ECHDC3: variants seen among roughly 807,000 people sequenced by gnomAD.
ECHDC3 encodes enoyl-CoA hydratase domain containing 3, also known as enoyl-CoA hydratase domain-containing protein 3, mitochondrial.
ECHDC3 carries 20 observed loss-of-function variants against 17.9 expected under a neutral mutation model. The ratio of observed to expected loss-of-function variants is 1.12; its 90% CI spans 0.79 to 1.63. The LOEUF is 1.63. Among genes scored for constraint, ECHDC3 ranks in the 40% most tolerant of loss-of-function variants. The pLI is 0.00. For missense variants in ECHDC3, 407 were observed against 357.7 expected, an observed-to-expected ratio of 1.14 and a Z score of -1.11; for synonymous variants, 177 against 149.7, an observed-to-expected ratio of 1.18 and a Z score of -1.33.
chr10:11,759,923 A>G (rs775393925), intron 4 of ECHDC3, among the ~76,000 whole-genome samples: 5 of 152,182 alleles, frequency 3.3e-5, no homozygotes, highest in Non-Finnish European at 7.4e-5. Flanking sequence ...TTTGTTTTCC[A>G]GATGAAACAA....
intron 1 of ECHDC3, among the ~76,000 whole-genome samples, chr10:11,745,005 G>A (rs1588461592): frequency 6.6e-6 from 1 of 152,200 alleles, no homozygotes; most frequent in East Asian, 1.9e-4. Context: ...AGGGCTAGTA[G>A]CCCACGAAAG....
chr10:11,747,493 T>C (rs759085087), intron 2 of ECHDC3, 23 bp downstream of exon 2: 1 of 1,612,284 alleles, frequency 6.2e-7, no homozygotes, highest in Non-Finnish European at 8.5e-7. Flanking sequence ...TATCTGTCCT[T>C]AGTATTCTGC....
chr10:11,763,945 G>A lies in ECHDC3; in HGVS notation c.*401G>A, dbSNP rs371867640. 11 of 998,572 alleles carry A rather than the reference G, an allele frequency of 1.1e-5. No individual in the cohort carries two copies. The highest frequency in any genetic ancestry group is 1.7e-5 in the African/African-American group (1 of 57,562). 61.9% of individuals were successfully genotyped at this position (998,572 alleles called of 1,614,324 possible). ...TTAATCCTGGCTGCTCAGGAGAGGC[G>A]ACACATTTCAAATCTCCACGAGATA... On this transcript the variant is annotated 3_prime_UTR_variant, in exon 5 of 5. Coordinates refer to ENST00000379215, the MANE Select transcript of ECHDC3 (RefSeq NM_024693.5). This position sits in a 1 kb window ranked among gnomAD's most constrained non-coding sequence, Gnocchi z 4.9.
rs111682329 is a variant in ECHDC3, at chr10:11,762,554, G to A, written c.592-670G>A. On this transcript the variant is annotated intron_variant, in intron 4 of 4. Transcript: ENST00000379215. ...GCAACAGAATTGGTTGGTGCAGCAC[G>A]CAGTGGTTGTGAAGCAGAGGACACG... 8.0e-3 allele frequency among the ~76,000 whole-genome samples: 1,226 copies of A among 152,310 alleles called. 20 individuals carry two copies. Among genetic ancestry groups the A allele is most frequent in the African/African-American group, 0.025 (1,058 of 41,564 alleles).
chr10:11,763,427 G>T lies in ECHDC3; in HGVS notation c.795G>T (p.Thr265=), dbSNP rs530119354. 1.2e-5 allele frequency: 10 copies of T among 816,808 alleles called. No individual in the cohort carries two copies. In the East Asian group the frequency reaches 2.4e-4, roughly 20 times the overall value. The allele number at this position is 816,808 out of a possible 1,614,324, so 50.6% of individuals were successfully genotyped here. A position where few individuals can be genotyped will look rare whatever the true frequency, so the allele number is the denominator to read the frequency against. ...AGCAGCTGCCCCAGGACCTGGGGAC[G>T]GCTTACTACCTCACCTCCCAGGCCA... is the stretch of plus-strand genomic sequence containing the variant. ...FYKQLPQDLG[T]AYYLTSQAMV... The change falls in exon 5 of 5, where the codon ACG becomes ACT. Residue 265 remains threonine (T), a synonymous_variant. Transcript: ENST00000379215. The surrounding 1 kb of genome is among the most constrained non-coding windows in gnomAD (Gnocchi z 4.9).
intron 3 of ECHDC3, among the ~76,000 whole-genome samples, chr10:11,752,627 A>G (rs888270079): frequency 6.6e-6 from 1 of 152,204 alleles, no homozygotes; most frequent in East Asian, 1.9e-4. Flanking sequence ...GTATAGAATT[A>G]CGTAATATGA....
chr10:11,763,121 G>A lies in ECHDC3; in HGVS notation c.592-103G>A, dbSNP rs1218324037. 6.4e-6 allele frequency: 4 copies of A among 629,256 alleles called. No homozygotes were observed. Among genetic ancestry groups the A allele is most frequent in the East Asian group, 2.7e-5 (1 of 36,800 alleles). The allele number at this position is 629,256 out of a possible 1,614,324, so 39.0% of individuals were successfully genotyped here. ...ACTGAAGACGTCAGGGCTGGCGGAT[G>A]ACGTGGTATTTGAGGAAGCAGGTCA... On this transcript the variant is annotated intron_variant, in intron 4 of 4. Coordinates refer to ENST00000379215, the MANE Select transcript of ECHDC3 (RefSeq NM_024693.5). The surrounding 1 kb of genome is among the most constrained non-coding windows in gnomAD (Gnocchi z 4.9).
intron 3 of ECHDC3, among the ~76,000 whole-genome samples, chr10:11,750,105 C>G (rs1832808481): frequency 6.6e-6 from 1 of 151,934 alleles, no homozygotes; most frequent in South Asian, 2.1e-4. Context: ...CTAGTTTAGA[C>G]TTTTAAGAAG....
At position 11,755,600 on chromosome 10, in the gene ECHDC3, C is replaced by T; in HGVS notation, c.583C>T (p.Pro195Ser). Residue 195 changes from proline (P) to serine (S), a missense_variant, in exon 4 of 5, where the codon CCT becomes TCT. Transcript: ENST00000379215. Reference sequence around the variant, plus strand: ...TGGGGTTGCCTTGGCAAGAGCAGTGCCTAGAAAGGTAATTTAACTCCCCCC... The same window carrying T: ...TGGGGTTGCCTTGGCAAGAGCAGTGTCTAGAAAGGTAATTTAACTCCCCCC... ...TPGVALARAV[P>S]RKVALEMLFT... 6.2e-7 allele frequency: 1 copy of T among 1,612,000 alleles called. No homozygotes were observed. The highest frequency in any genetic ancestry group is 8.5e-7 in the Non-Finnish European group (1 of 1,179,186).
intron 4 of ECHDC3, among the ~76,000 whole-genome samples, chr10:11,757,637 C>T (rs539874665): frequency 6.6e-6 from 1 of 152,142 alleles, no homozygotes; most frequent in South Asian, 2.1e-4. Context: ...TGCCTGAAAG[C>T]GGTTCAGAGT....
At chr10:11,743,041 C>T (rs1261880177) in intron 1 of ECHDC3, 2 of 302,536 alleles carry the variant, frequency 6.6e-6, no homozygotes, top group Non-Finnish European at 1.2e-5. Flanking sequence ...AGACCCGGCC[C>T]TAGGGGAAGT....
intron 4 of ECHDC3, among the ~76,000 whole-genome samples, chr10:11,762,225 G>A (rs1362661878): frequency 6.6e-6 from 1 of 152,226 alleles, no homozygotes; most frequent in African/African-American, 2.4e-5. Flanking sequence ...TTTTACACTT[G>A]GAGCAGGGCG....
chr10:11,745,264 C>T lies in ECHDC3; in HGVS notation c.171-2085C>T, dbSNP rs11815490. 7.9e-3 allele frequency among the ~76,000 whole-genome samples: 1,210 copies of T among 152,206 alleles called. 20 individuals are homozygous for T. Among genetic ancestry groups the T allele is most frequent in the African/African-American group, 0.026 (1,066 of 41,532 alleles). ...TAACAGGACACATGAACAGATTCCG[C>T]GGCGCACAATGGCCTCGGGGGCTGG... On this transcript the variant is annotated intron_variant, in intron 1 of 4. Transcript: ENST00000379215.
intron 1 of ECHDC3, among the ~76,000 whole-genome samples, chr10:11,744,973 G>C (rs1478829017): frequency 6.6e-6 from 1 of 152,202 alleles, no homozygotes; most frequent in African/African-American, 2.4e-5. Context: ...ATTCAGGATG[G>C]CTGACATTCA....
At chr10:11,745,309 G>A (rs555046687) in intron 1 of ECHDC3, among the ~76,000 whole-genome samples, 1 of 152,256 alleles carries the variant, frequency 6.6e-6, no homozygotes, top group South Asian at 2.1e-4. Context: ...ATACAATTTT[G>A]CCTGAGACCT....
In ECHDC3 at chr10:11,763,444, C is replaced by G. The variant is rs748143770; in HGVS notation, c.812C>G (p.Ser271Cys). 1 of 890,212 alleles carries G rather than the reference C, an allele frequency of 1.1e-6. No homozygotes were observed. The highest frequency in any genetic ancestry group is 1.9e-6 in the Non-Finnish European group (1 of 529,044). The allele number at this position is 890,212 out of a possible 1,614,324, so 55.1% of individuals were successfully genotyped here. A position where few individuals can be genotyped will look rare whatever the true frequency, so the allele number is the denominator to read the frequency against. Residue 271 changes from serine to cysteine, a missense_variant, in exon 5 of 5, where the codon TCC becomes TGC. Ser to Cys is a moderately radical substitution (Grantham distance 112). Coordinates refer to ENST00000379215, the MANE Select transcript of ECHDC3 (RefSeq NM_024693.5). The surrounding 1 kb of genome is among the most constrained non-coding windows in gnomAD (Gnocchi z 4.9). ...CTGGGGACGGCTTACTACCTCACCT[C>G]CCAGGCCATGGTGGACAACCTGGCC... is the stretch of plus-strand genomic sequence containing the variant. ...QDLGTAYYLT[S>C]QAMVDNLALR...
chr10:11,756,748 T>C (rs1340357407), intron 4 of ECHDC3, among the ~76,000 whole-genome samples: 1 of 150,470 alleles, frequency 6.6e-6, no homozygotes, highest in African/African-American at 2.5e-5. Context: ...ACTCATTCAG[T>C]AATTTTTTTT....
chr10:11,750,418 C>T (rs891562625), intron 3 of ECHDC3, among the ~76,000 whole-genome samples: 3 of 152,144 alleles, frequency 2.0e-5, no homozygotes, highest in African/African-American at 7.2e-5. Flanking sequence ...TCACCACCTC[C>T]AAGTAGGAAA....
intron 4 of ECHDC3, among the ~76,000 whole-genome samples, chr10:11,762,148 G>A (rs1832960951): frequency 6.6e-6 from 1 of 152,170 alleles, no homozygotes; most frequent in Non-Finnish European, 1.5e-5. Flanking sequence ...GAAATATATA[G>A]GGTGTTAAAT....
Sources: gnomAD v4.1 joint callset for allele counts (sites outside exome capture counted in the v4.1 genomes callset) on GRCh38, gnomAD v4.1.1 for gene constraint, Gnocchi (gnomAD v3.1) non-coding constraint, MANE v1.5 for transcripts, NCBI Gene and HGNC (gene_info 2026-07-23, HGNC 2026-07-21) for gene names.